The following COPG2 variants were observed in gnomAD, a reference collection of about 807,000 sequenced individuals.
COPG2 encodes coatomer subunit gamma-2.
Under a neutral mutation model 46.3 loss-of-function variants are expected in COPG2, and 37 were observed. The ratio of observed to expected loss-of-function variants is 0.80; its 90% CI spans 0.61 to 1.05. The LOEUF (loss-of-function observed/expected upper bound fraction) is 1.05, where lower values mean the gene tolerates loss of function less well. Ranked by LOEUF, COPG2 falls within the 50% of genes least tolerant of loss-of-function variation. COPG2 has a pLI of 0.00. For missense variants in COPG2, 427 were observed against 387.8 expected (o/e 1.10, Z -0.85); for synonymous variants, 159 against 129.7 (o/e 1.23, Z -1.53).
chr7:130,614,404 T>C (rs1053596018), intron 6 of COPG2, among the ~76,000 whole-genome samples: 1 of 152,216 alleles, frequency 6.6e-6, no homozygotes, highest in African/African-American at 2.4e-5. Context: ...GATGTATAAT[T>C]TGGTCCTGCT....
intron 5 of COPG2, among the ~76,000 whole-genome samples, chr7:130,643,380 C>T (rs1554457625): frequency 6.6e-6 from 1 of 151,970 alleles, no homozygotes; most frequent in Admixed American, 6.6e-5. Flanking sequence ...AGTGATGATA[C>T]CAGTCATTTA....
At chr7:130,573,128 G>C (rs1244622986) in intron 9 of COPG2, among the ~76,000 whole-genome samples, 1 of 149,924 alleles carries the variant, frequency 6.7e-6, no homozygotes, top group East Asian at 2.0e-4. Context: ...AAAATTCCTA[G>C]AAATACCAAA....
chr7:130,572,840 A>T (rs370630763), intron 9 of COPG2, among the ~76,000 whole-genome samples: 17 of 152,080 alleles, frequency 1.1e-4, no homozygotes, highest in African/African-American at 3.6e-4. Context: ...GAAGAAAGGA[A>T]ATAATAAATA....
intron 5 of COPG2, among the ~76,000 whole-genome samples, chr7:130,631,738 C>T (rs1795236695): frequency 1.9e-5 from 1 of 53,736 alleles, no homozygotes; most frequent in African/African-American, 5.5e-5. Context: ...AAACTCCATA[C>T]TAAATTCTTT....
intron 20 of COPG2, chr7:130,510,130 G>GC: frequency 3.8e-6 from 2 of 520,184 alleles, no homozygotes; most frequent in Non-Finnish European, 7.7e-6. Flanking sequence ...TTAGAGATAA[G>GC]CTAGATAAGG....
chr7:130,664,269 T>C (rs1362981053), intron 3 of COPG2, among the ~76,000 whole-genome samples: 1 of 152,220 alleles, frequency 6.6e-6, no homozygotes, highest in Non-Finnish European at 1.5e-5. Context: ...TAGTCTTCAA[T>C]CTATTTGCCA....
chr7:130,528,888 CAA>C (rs1370035438), intron 20 of COPG2, among the ~76,000 whole-genome samples: 3 of 151,874 alleles, frequency 2.0e-5, no homozygotes, highest in Non-Finnish European at 4.4e-5. Flanking sequence ...CCAGATGGGG[CAA>C]AGTGTGTGAC....
chr7:130,659,360 A>AAAAAAAAAACAAAC lies in COPG2; in HGVS notation c.243+3606_243+3607insGTTTGTTTTTTTTT, dbSNP rs1795926707. 1.3e-5 allele frequency among the ~76,000 whole-genome samples: 2 copies of AAAAAAAAAACAAAC among 149,884 alleles called. 1 individual carries two copies. The highest frequency in any genetic ancestry group is 4.9e-5 in the African/African-American group (2 of 40,922). ...ACAGAGCAAGACTCCGTCTCAAAAA[A>AAAAAAAAAACAAAC]AAAAAAAACGAACAAACAAGCATTA... On this transcript the variant is annotated intron_variant, in intron 4 of 23. Coordinates refer to ENST00000425248, the MANE Select transcript of COPG2 (RefSeq NM_012133.6).
intron 5 of COPG2, among the ~76,000 whole-genome samples, chr7:130,618,288 G>A (rs1271230771): frequency 2.6e-5 from 4 of 151,844 alleles, no homozygotes; most frequent in Non-Finnish European, 4.4e-5. Context: ...CAATACACTC[G>A]TTCAGTAATT....
chr7:130,549,515 A>G (rs1584970183), intron 17 of COPG2, 139 bp from the exon 18 acceptor site: 2 of 396,364 alleles, frequency 5.0e-6, no homozygotes, highest in Non-Finnish European at 4.4e-6. Context: ...TAGGTTATCT[A>G]TCACTTCTGG....
rs71178602 is a variant in COPG2, at chr7:130,663,730, CTTTTTTTTTTTTT to C, written c.172-705_172-693del. Among the ~76,000 whole-genome samples, 477 of 67,216 alleles carry C rather than the reference CTTTTTTTTTTTTT, an allele frequency of 7.1e-3. 2 individuals are homozygous for C. Among genetic ancestry groups the C allele is most frequent in the Non-Finnish European group, 0.01 (386 of 38,006 alleles). 44.1% of individuals were successfully genotyped at this position (67,216 alleles called of 152,430 possible). On this transcript the variant is annotated intron_variant, in intron 3 of 23. Transcript: ENST00000425248. ...AAGCCTGAGATTTTGCATTTCTTTT[CTTTTTTTTTTTTT>C]TTTTTTTTTTTTTGAGACGGAGTCT...
intron 9 of COPG2, among the ~76,000 whole-genome samples, chr7:130,574,512 G>A (rs1793970575): frequency 6.6e-6 from 1 of 152,154 alleles, no homozygotes; most frequent in African/African-American, 2.4e-5. Context: ...CTACATCCAA[G>A]CAACACCCCA....
intron 20 of COPG2, among the ~76,000 whole-genome samples, chr7:130,514,482 A>G (rs906605287): frequency 3.3e-5 from 5 of 152,234 alleles, no homozygotes; most frequent in African/African-American, 1.2e-4. Context: ...TTACTCTGTC[A>G]TGTGAAGATT....
At chr7:130,529,058 G>A (rs1348356466) in intron 20 of COPG2, among the ~76,000 whole-genome samples, 5 of 152,174 alleles carry the variant, frequency 3.3e-5, no homozygotes, top group African/African-American at 4.8e-5. Context: ...CTGATGAAAT[G>A]TCAGGTGGAT....
intron 5 of COPG2, among the ~76,000 whole-genome samples, chr7:130,626,576 A>T (rs1378799229): frequency 6.6e-6 from 1 of 151,982 alleles, no homozygotes; most frequent in African/African-American, 2.4e-5. Context: ...TATAAGAGAG[A>T]GCGCTCCTGA....
chr7:130,631,715 T>C (rs2116167293), intron 5 of COPG2, among the ~76,000 whole-genome samples: 1 of 141,274 alleles, frequency 7.1e-6, no homozygotes, highest in East Asian at 2.1e-4. Context: ...AGATTTTATT[T>C]TACATATGTT....
At chr7:130,530,619 G>A (rs1799814803) in intron 20 of COPG2, among the ~76,000 whole-genome samples, 1 of 152,176 alleles carries the variant, frequency 6.6e-6, no homozygotes, top group South Asian at 2.1e-4. Context: ...GGGTGGTTGA[G>A]AGAAATATGG....
At chr7:130,593,751 T>C (rs2116467624) in intron 9 of COPG2, among the ~76,000 whole-genome samples, 1 of 133,696 alleles carries the variant, frequency 7.5e-6, no homozygotes, top group East Asian at 2.4e-4. Flanking sequence ...TACCTTATAC[T>C]ATATCCAAAA....
intron 14 of COPG2, among the ~76,000 whole-genome samples, chr7:130,553,085 A>G (rs1793558561): frequency 6.6e-6 from 1 of 152,220 alleles, no homozygotes; most frequent in African/African-American, 2.4e-5. Context: ...TGTTAGCCAG[A>G]GGAAAAAGGC....
Sources: allele counts gnomAD v4.1 joint callset (sites outside exome capture counted in the v4.1 genomes callset), GRCh38; gene constraint gnomAD v4.1.1; transcripts MANE v1.5; gene names NCBI Gene and HGNC (gene_info 2026-07-23, HGNC 2026-07-21).